RANBP2: variants seen among roughly 807,000 people sequenced by gnomAD.
The protein encoded by RANBP2 is RAN binding protein 2.
Under a neutral mutation model 303.6 loss-of-function variants are expected in RANBP2, and 57 were observed. The ratio of observed to expected loss-of-function variants is 0.19; its 90% CI spans 0.15 to 0.23. The LOEUF (loss-of-function observed/expected upper bound fraction) is 0.23, where lower values mean the gene tolerates loss of function less well. Ranked by LOEUF, RANBP2 falls within the 10% of genes least tolerant of loss-of-function variation. The pLI, the probability that RANBP2 is intolerant of heterozygous loss-of-function variation, is 1.00. For missense variants in RANBP2, 3,138 were observed against 3,780.8 expected (o/e 0.83, Z 4.46); for synonymous variants, 1,167 against 1,301.5 (o/e 0.90, Z 2.23).
the RANBP2 span, among the ~76,000 whole-genome samples, chr2:109,125,590 C>A: frequency 1.3e-5 from 2 of 152,128 alleles, no homozygotes; most frequent in African/African-American, 4.8e-5. Flanking sequence ...TGACCACCCC[C>A]CACCTTAACT....
chr2:109,430,330 C>G, the RANBP2 span, among the ~76,000 whole-genome samples: 10 of 152,352 alleles, frequency 6.6e-5, no homozygotes, highest in South Asian at 2.1e-3. Context: ...GCAGGCACAT[C>G]AATTTGTGCG....
chr2:109,760,688 A>G, the RANBP2 span, among the ~76,000 whole-genome samples: 2 of 142,934 alleles, frequency 1.4e-5, no homozygotes, highest in Non-Finnish European at 3.1e-5. Context: ...CGGCGGCGGT[A>G]GCGGCGGCGG....
chr2:108,746,919 G>GT (rs1558895911), intron 8 of RANBP2, 121 bp downstream of exon 8: 1 of 1,066,584 alleles, frequency 9.4e-7, no homozygotes, highest in Non-Finnish European at 1.3e-6. Context: ...TCTTTTTGCC[G>GT]TATCAGTTAA....
At chr2:109,566,435 C>A in the RANBP2 span, among the ~76,000 whole-genome samples, 2 of 152,034 alleles carry the variant, frequency 1.3e-5, no homozygotes, top group African/African-American at 4.8e-5. Context: ...AGCCACCACA[C>A]CTGGCCGAAA....
the RANBP2 span, among the ~76,000 whole-genome samples, chr2:109,611,687 G>A: frequency 6.6e-6 from 1 of 152,148 alleles, no homozygotes; most frequent in African/African-American, 2.4e-5. Context: ...CTTGAGCCCA[G>A]GAGATTGAGG....
At chr2:108,806,175 C>T in the RANBP2 span, among the ~76,000 whole-genome samples, 1 of 152,126 alleles carries the variant, frequency 6.6e-6, no homozygotes, top group African/African-American at 2.4e-5. Context: ...TACTATTAGA[C>T]TTATGAATTT....
chr2:109,173,963 T>G, the RANBP2 span, among the ~76,000 whole-genome samples: 251 of 152,380 alleles, frequency 1.6e-3, 2 homozygotes, highest in African/African-American at 5.7e-3. Flanking sequence ...GTTCAGGCTG[T>G]GGGCACTGAG....
the RANBP2 span, among the ~76,000 whole-genome samples, chr2:109,355,138 C>T: frequency 6.6e-6 from 1 of 152,018 alleles, no homozygotes; most frequent in African/African-American, 2.4e-5. Flanking sequence ...TTGGAAATAC[C>T]AGGGAATAGG....
At chr2:109,336,569 T>G in the RANBP2 span, among the ~76,000 whole-genome samples, 1 of 152,234 alleles carries the variant, frequency 6.6e-6, no homozygotes, top group Non-Finnish European at 1.5e-5. Context: ...GGGAGGAGGA[T>G]GATGCCAGCC....
chr2:109,236,725 A>G, the RANBP2 span, among the ~76,000 whole-genome samples: 1 of 152,208 alleles, frequency 6.6e-6, no homozygotes, highest in African/African-American at 2.4e-5. Flanking sequence ...TTTTATTCTT[A>G]CAGCATGGAC....
the RANBP2 span, among the ~76,000 whole-genome samples, chr2:109,384,132 C>G: frequency 2.0e-5 from 3 of 152,214 alleles, no homozygotes; most frequent in Non-Finnish European, 2.9e-5. Context: ...GGGCAGTGCC[C>G]TCCCCACAGT....
chr2:109,740,121 C>T, the RANBP2 span, among the ~76,000 whole-genome samples: 2 of 148,714 alleles, frequency 1.3e-5, no homozygotes, highest in Non-Finnish European at 3.0e-5. Context: ...CAAGTAGCTC[C>T]GGGACTACAG....
the RANBP2 span, chr2:109,614,397 A>C: frequency 1.0e-6 from 1 of 987,824 alleles, no homozygotes; most frequent in Non-Finnish European, 1.3e-6. Context: ...TGAGCCCGCC[A>C]GACTCCGCCG....
At chr2:109,169,953 G>A in the RANBP2 span, among the ~76,000 whole-genome samples, 2 of 152,114 alleles carry the variant, frequency 1.3e-5, no homozygotes, top group African/African-American at 4.8e-5. Flanking sequence ...ATCTTTAAGA[G>A]ACTTTAATGT....
the RANBP2 span, among the ~76,000 whole-genome samples, chr2:108,926,268 T>C: frequency 1.3e-5 from 2 of 152,170 alleles, no homozygotes; most frequent in Non-Finnish European, 2.9e-5. Flanking sequence ...TCTAATTTGC[T>C]ACTTTTTGAT....
At chr2:109,274,001 A>G in the RANBP2 span, among the ~76,000 whole-genome samples, 6 of 152,316 alleles carry the variant, frequency 3.9e-5, no homozygotes, top group East Asian at 7.7e-4. Flanking sequence ...AATACTTACC[A>G]TAGTTCTGGG....
At chr2:108,916,948 C>T in the RANBP2 span, among the ~76,000 whole-genome samples, 1 of 152,142 alleles carries the variant, frequency 6.6e-6, no homozygotes, top group African/African-American at 2.4e-5. Context: ...GGGATTCAGA[C>T]TTGCCCACAG....
the RANBP2 span, among the ~76,000 whole-genome samples, chr2:109,439,368 C>T: frequency 6.6e-6 from 1 of 152,162 alleles, no homozygotes; most frequent in African/African-American, 2.4e-5. Context: ...TGAGCCATAT[C>T]AGTAAATTAA....
chr2:109,288,196 A>G, the RANBP2 span, among the ~76,000 whole-genome samples: 1 of 152,252 alleles, frequency 6.6e-6, no homozygotes, highest in African/African-American at 2.4e-5. Context: ...GCAGCCATTC[A>G]GAATAGGTGC....
Sources: gnomAD v4.1 joint callset for allele counts (sites outside exome capture counted in the v4.1 genomes callset) on GRCh38, gnomAD v4.1.1 for gene constraint, MANE v1.5 for transcripts, NCBI Gene and HGNC (gene_info 2026-07-23, HGNC 2026-07-21) for gene names.